The following RGS20 variants were observed in gnomAD, a reference collection of about 807,000 sequenced individuals.
RGS20 encodes the protein regulator of G protein signaling 20, also known as gz-selective GTPase-activating protein.
In RGS20, 30 loss-of-function variants were observed where a neutral mutation model predicts 33.6. That is an observed-to-expected ratio of 0.89 (90% confidence interval 0.67 to 1.21). RGS20 has a LOEUF of 1.21. Ranked by LOEUF, RGS20 falls within the 50% of genes most tolerant of loss-of-function variation. The pLI, the probability that RGS20 is intolerant of heterozygous loss-of-function variation, is 0.00. For missense variants in RGS20, 472 were observed against 502.4 expected (o/e 0.94, Z 0.58); for synonymous variants, 208 against 197.9 (o/e 1.05, Z -0.43).
At chr8:53,957,486 T>A (rs1179890535) in intron 5 of RGS20, among the ~76,000 whole-genome samples, 1 of 152,244 alleles carries the variant, frequency 6.6e-6, no homozygotes, top group Non-Finnish European at 1.5e-5. Flanking sequence ...TTCACCCCTG[T>A]GCCCAACCCT....
chr8:53,911,586 T>C (rs1813347528), intron 2 of RGS20, among the ~76,000 whole-genome samples: 1 of 152,190 alleles, frequency 6.6e-6, no homozygotes, highest in Non-Finnish European at 1.5e-5. Flanking sequence ...TAGAAGATCC[T>C]AAACTACGTA....
intron 1 of RGS20, among the ~76,000 whole-genome samples, chr8:53,871,004 A>G (rs1004843715): frequency 6.7e-6 from 1 of 149,380 alleles, no homozygotes; most frequent in African/African-American, 2.5e-5. Flanking sequence ...CCAGCTACTC[A>G]GGAGGCTGAG....
intron 4 of RGS20, among the ~76,000 whole-genome samples, chr8:53,947,926 CAT>C (rs1325261013): frequency 3.0e-5 from 4 of 133,532 alleles, no homozygotes; most frequent in Non-Finnish European, 4.6e-5. Flanking sequence ...TATATATTTA[CAT>C]ATGCTATATA....
chr8:53,946,543 TCCAAGTAGA>T, intron 3 of RGS20, 113 bp from the exon 3 acceptor site: 1 of 869,448 alleles, frequency 1.2e-6, no homozygotes, highest in South Asian at 1.4e-5. Flanking sequence ...CATTTTTTTT[TCCAAGTAGA>T]GGAAGAAATT....
At chr8:53,951,619 T>C (rs1814710429) in intron 4 of RGS20, among the ~76,000 whole-genome samples, 1 of 152,244 alleles carries the variant, frequency 6.6e-6, no homozygotes, top group South Asian at 2.1e-4. Flanking sequence ...TGAACAGTTA[T>C]GATAACTGAC....
chr8:53,872,658 G>A (rs1392821731), intron 1 of RGS20, among the ~76,000 whole-genome samples: 1 of 152,098 alleles, frequency 6.6e-6, no homozygotes, highest in African/African-American at 2.4e-5. Flanking sequence ...CAAATGCTAG[G>A]AGCAGAATGA....
intron 2 of RGS20, among the ~76,000 whole-genome samples, chr8:53,918,162 G>A (rs1328781315): frequency 6.6e-6 from 1 of 152,116 alleles, no homozygotes; most frequent in African/African-American, 2.4e-5. Context: ...TCACAAAGTT[G>A]TGCAACAATC....
chr8:53,947,482 TTATA>T (rs1485152994), intron 4 of RGS20, among the ~76,000 whole-genome samples: 100 of 139,106 alleles, frequency 7.2e-4, no homozygotes, highest in African/African-American at 2.5e-3. Flanking sequence ...GTATATACAT[TTATA>T]TATGCTATAT....
At chr8:53,881,916 G>A (rs929776000) in intron 2 of RGS20, among the ~76,000 whole-genome samples, 12 of 152,114 alleles carry the variant, frequency 7.9e-5, no homozygotes, top group African/African-American at 2.4e-4. Context: ...GCGGGAGACT[G>A]GGGGCGGGAA....
intron 2 of RGS20, 140 bp from the exon 1 acceptor site, chr8:53,880,732 G>A: frequency 3.3e-6 from 2 of 609,836 alleles, no homozygotes; most frequent in South Asian, 2.2e-5. Flanking sequence ...TGGGGCTGCG[G>A]CCGGGGTGGA....
intron 1 of RGS20, among the ~76,000 whole-genome samples, chr8:53,858,185 T>A (rs1811722711): frequency 6.6e-6 from 1 of 152,100 alleles, no homozygotes; most frequent in South Asian, 2.1e-4. Context: ...AATGAAATGG[T>A]GATCAACTTA....
chr8:53,895,831 G>T (rs1812841139), intron 2 of RGS20, among the ~76,000 whole-genome samples: 1 of 151,842 alleles, frequency 6.6e-6, no homozygotes, highest in Non-Finnish European at 1.5e-5. Flanking sequence ...ATTTTTAGTA[G>T]AAATAGGGTT....
Position 53,880,779 on chromosome 8 carries a change from G to C in RGS20, c.510+1177G>C, listed in dbSNP as rs939464989. On this transcript the variant is annotated intron_variant, in intron 2 of 5. Coordinates refer to ENST00000297313, the MANE Select transcript of RGS20 (RefSeq NM_170587.4). Reference sequence around the variant, plus strand: ...GCGTGGGGCCTCGGGGGTACCCCTAGCACCCGCGGCGGTGGAGTGCGCCGC... The same window carrying C: ...GCGTGGGGCCTCGGGGGTACCCCTACCACCCGCGGCGGTGGAGTGCGCCGC... The C allele has an allele frequency of 6.6e-6, 8 of 1,203,630 alleles. No individual in the cohort carries two copies. The African/African-American group carries it at 1.1e-4, about 17-fold the overall frequency. The allele number at this position is 1,203,630 out of a possible 1,614,324, so 74.6% of individuals were successfully genotyped here.
chr8:53,925,931 C>G lies in RGS20; in HGVS notation c.511-13645C>G, dbSNP rs529116114. ...CTTCAAGAGCCAAGGTTTATTAAAG[C>G]AAAAGTAGGCCGGGCTCAGTGGCTC... On this transcript the variant is annotated intron_variant, in intron 2 of 5. Transcript: ENST00000297313. Among the ~76,000 whole-genome samples the G allele has an allele frequency of 1.2e-4, 18 of 151,168 alleles. No individual in the cohort carries two copies. In the South Asian group the frequency reaches 3.8e-3, roughly 32 times the overall value.
At chr8:53,915,018 G>A (rs973782691) in intron 2 of RGS20, among the ~76,000 whole-genome samples, 5 of 152,034 alleles carry the variant, frequency 3.3e-5, no homozygotes, top group Admixed American at 1.3e-4. Flanking sequence ...GGTGATGCAC[G>A]CCTGTAATCC....
At chr8:53,954,459 T>C (rs1258054370) in intron 5 of RGS20, 149 bp downstream of exon 4, 2 of 555,060 alleles carry the variant, frequency 3.6e-6, no homozygotes, top group East Asian at 3.5e-5. Flanking sequence ...AGGTGAGGAG[T>C]TGGAGACCAG....
chr8:53,878,756 C>T (rs1244871654), intron 1 of RGS20, among the ~76,000 whole-genome samples: 1 of 152,166 alleles, frequency 6.6e-6, no homozygotes, highest in East Asian at 1.9e-4. Flanking sequence ...AACTCTGTGC[C>T]TCTGGCAGGC....
chr8:53,889,408 CTCTCTTTTTTTTTTTTTTTTTTTTT>C (rs1563366876), intron 2 of RGS20, among the ~76,000 whole-genome samples: 1 of 88,200 alleles, frequency 1.1e-5, no homozygotes, highest in African/African-American at 5.1e-5. Context: ...TTCTCTCTCT[CTCTCTTTTTTTTTTTTTTTTTTTTT>C]TTTTTTTTTT....
At chr8:53,892,696 T>C (rs1230380471) in intron 2 of RGS20, among the ~76,000 whole-genome samples, 2 of 152,172 alleles carry the variant, frequency 1.3e-5, no homozygotes, top group African/African-American at 4.8e-5. Context: ...CAGCAGAGGG[T>C]TCAAGAGAGT....
Sources: allele counts gnomAD v4.1 joint callset (sites outside exome capture counted in the v4.1 genomes callset), GRCh38; gene constraint gnomAD v4.1.1; transcripts MANE v1.5; gene names NCBI Gene and HGNC (gene_info 2026-07-23, HGNC 2026-07-21).